SYNE1: variants seen among roughly 807,000 people sequenced by gnomAD.
The protein encoded by SYNE1 is nesprin-1.
SYNE1 carries 616 observed loss-of-function variants against 1,111.0 expected under a neutral mutation model. The ratio of observed to expected loss-of-function variants is 0.55; its 90% CI spans 0.52 to 0.59. The LOEUF (loss-of-function observed/expected upper bound fraction) is 0.59. SYNE1 is among the 20% of genes least tolerant of loss of function. SYNE1 has a pLI of 0.00. For missense variants in SYNE1, 10,006 were observed against 10,417.0 expected (o/e 0.96, Z 1.72); for synonymous variants, 3,855 against 3,825.8 (o/e 1.01, Z -0.28).
intron 63 of SYNE1, among the ~76,000 whole-genome samples, chr6:152,362,606 A>G (rs1563364577): frequency 6.6e-6 from 1 of 152,106 alleles, no homozygotes; most frequent in Non-Finnish European, 1.5e-5. Context: ...ACACTGGGGG[A>G]GCCTCAAAGG....
In SYNE1 at chr6:152,316,989, G is replaced by A. The variant is rs376927135; in HGVS notation, c.16573-3C>T. ...TATTCTTCTAAATGTGATGCTGCCT[G>A]AAAAACCAGTAACATTAATGTAACA... On this transcript the variant is annotated splice_polypyrimidine_tract_variant and splice_region_variant and intron_variant, in intron 86 of 145. Transcript: ENST00000367255. 2.5e-5 allele frequency: 41 copies of A among 1,613,682 alleles called. No homozygotes were observed. The African/African-American group carries it at 4.7e-4, about 18-fold the overall frequency.
At chr6:152,173,662 A>G (rs1054085080) in intron 130 of SYNE1, among the ~76,000 whole-genome samples, 3 of 152,210 alleles carry the variant, frequency 2.0e-5, no homozygotes, top group Non-Finnish European at 4.4e-5. Context: ...TGACTCTAAC[A>G]TGGTGTTAAA....
In SYNE1 at chr6:152,281,848, T is replaced by G; in HGVS notation, c.18340A>C (p.Lys6114Gln). ...TGGGCCTCCATGTCCATGGGCTCCT[T>G]GGGTGGACTCAGCGCAGTGTCCAGA... ...ATLDTALSPP[K>Q]EPMDMEAQLM... Residue 6114 changes from lysine to glutamine, a missense_variant, in exon 97 of 146, where the codon AAG becomes CAG. Transcript: ENST00000367255. 6.2e-7 allele frequency: 1 copy of G among 1,614,162 alleles called. No homozygotes were observed. The highest frequency in any genetic ancestry group is 2.2e-5 in the East Asian group (1 of 44,874).
intron 4 of SYNE1, 114 bp from the exon 5 acceptor site, chr6:152,526,289 T>C: frequency 9.9e-7 from 1 of 1,009,364 alleles, no homozygotes; most frequent in Non-Finnish European, 1.5e-6. Context: ...GAGGCTTCTA[T>C]ATACTTTAAT....
At chr6:152,251,796 A>G (rs979390323) in intron 104 of SYNE1, among the ~76,000 whole-genome samples, 4 of 152,196 alleles carry the variant, frequency 2.6e-5, no homozygotes, top group Admixed American at 1.3e-4. Context: ...AAATGCAAAG[A>G]ATTGAACTAT....
chr6:152,145,340 G>GT, intron 137 of SYNE1: 1 of 762,604 alleles, frequency 1.3e-6, no homozygotes, highest in Non-Finnish European at 2.3e-6. Flanking sequence ...TTAACCAGCT[G>GT]TTTTTTCTAG....
At chr6:152,529,092 G>T (rs1321834769) in intron 4 of SYNE1, among the ~76,000 whole-genome samples, 4 of 152,062 alleles carry the variant, frequency 2.6e-5, no homozygotes, top group African/African-American at 7.2e-5. Flanking sequence ...CCACAGAATA[G>T]CACTCAGCAC....
intron 87 of SYNE1, chr6:152,316,645 G>A: frequency 4.9e-6 from 3 of 610,578 alleles, no homozygotes; most frequent in Non-Finnish European, 5.7e-6. Flanking sequence ...GAAGATCAAG[G>A]ATATTTATTT....
chr6:152,613,716 T>A (rs1172177369), intron 3 of SYNE1, among the ~76,000 whole-genome samples: 1 of 152,148 alleles, frequency 6.6e-6, no homozygotes, highest in Non-Finnish European at 1.5e-5. Context: ...GGAGGCATCA[T>A]GCTACCTGAC....
intron 72 of SYNE1, among the ~76,000 whole-genome samples, chr6:152,349,386 T>C (rs1470861112): frequency 6.6e-6 from 1 of 152,216 alleles, no homozygotes; most frequent in Non-Finnish European, 1.5e-5. Context: ...AGCACAACAA[T>C]TATGAGATGG....
intron 3 of SYNE1, among the ~76,000 whole-genome samples, chr6:152,612,734 T>C (rs2099635033): frequency 6.6e-6 from 1 of 152,142 alleles, no homozygotes; most frequent in South Asian, 2.1e-4. Flanking sequence ...TGAAAATCGA[T>C]GTGAAAATCC....
At position 152,608,427 on chromosome 6, in the gene SYNE1, A is replaced by T. The variant is rs148375007; in HGVS notation, c.67+19838T>A. Among the ~76,000 whole-genome samples, 112 of 152,354 alleles carry T rather than the reference A, an allele frequency of 7.4e-4. 3 individuals carry two copies. In the East Asian group the frequency reaches 0.02, roughly 28 times the overall value. ...TCATAATTTTATATAAATTAAGCAC[A>T]CACAAAATATTAGTTATGCTTTTCA... is the stretch of plus-strand genomic sequence containing the variant. On this transcript the variant is annotated intron_variant, in intron 3 of 145. Transcript: ENST00000367255.
chr6:152,587,298 C>T (rs1387155470), intron 3 of SYNE1, among the ~76,000 whole-genome samples: 3 of 152,144 alleles, frequency 2.0e-5, no homozygotes, highest in African/African-American at 7.2e-5. Context: ...AAACATCCTT[C>T]CTTATCATCT....
At position 152,442,159 on chromosome 6, in the gene SYNE1, G is replaced by A; in HGVS notation, c.3924C>T (p.Asp1308=). ...GCTTCCGCAGCTCCTCGTGGCCTCG[G>A]TCAGGCAGCCCCCCTTCTCCCTGCT... is the stretch of plus-strand genomic sequence containing the variant. The part of the protein sequence containing the change: ...QAQQGEGGLP[D]RGHEELRKLE... Residue 1308 remains aspartate, a synonymous_variant, in exon 31 of 146, where the codon GAC becomes GAT. Transcript: ENST00000367255. The A allele has an allele frequency of 6.2e-7, 1 of 1,613,848 alleles. No individual in the cohort carries two copies. The highest frequency in any genetic ancestry group is 8.5e-7 in the Non-Finnish European group (1 of 1,180,040).
At chr6:152,435,842 CTT>C in intron 33 of SYNE1, 97 bp downstream of exon 33, 1 of 1,433,766 alleles carries the variant, frequency 7.0e-7, no homozygotes, top group Non-Finnish European at 9.7e-7. Context: ...TACACAGACA[CTT>C]TGAGATTTTA....
At chr6:152,549,199 A>G (rs772147342) in intron 3 of SYNE1, among the ~76,000 whole-genome samples, 4 of 152,188 alleles carry the variant, frequency 2.6e-5, no homozygotes, top group Non-Finnish European at 5.9e-5. Context: ...TCACATCCAT[A>G]CATACTTGAT....
At chr6:152,223,224 G>T (rs1218428197) in intron 117 of SYNE1, among the ~76,000 whole-genome samples, 1 of 152,096 alleles carries the variant, frequency 6.6e-6, no homozygotes, top group Non-Finnish European at 1.5e-5. Context: ...ACTATCCTCA[G>T]AAGAAGTTTT....
Position 152,354,824 on chromosome 6 carries a change from G to T in SYNE1, c.10761C>A (p.Ser3587=). The part of the protein sequence containing the change: ...QDWQAYQHRL[S]ETRTQFNNVV... ...CGTTATTGAACTGAGTTCGAGTCTC[G>T]GACAGCCTGTGCTGGTAAGCCTGCC... Residue 3587 remains serine, a synonymous_variant, in exon 67 of 146, where the codon TCC becomes TCA. Coordinates refer to ENST00000367255, the MANE Select transcript of SYNE1 (RefSeq NM_182961.4). 1 of 1,614,054 alleles carries T rather than the reference G, an allele frequency of 6.2e-7. No individual in the cohort carries two copies. Among genetic ancestry groups the T allele is most frequent in the East Asian group, 2.2e-5 (1 of 44,878 alleles).
At chr6:152,535,046 C>T (rs1214839102) in intron 4 of SYNE1, among the ~76,000 whole-genome samples, 2 of 152,138 alleles carry the variant, frequency 1.3e-5, no homozygotes, top group Non-Finnish European at 2.9e-5. Flanking sequence ...CAGAATGCAG[C>T]CTTATTTGGA....
Sources: gnomAD v4.1 joint callset for allele counts (sites outside exome capture counted in the v4.1 genomes callset) on GRCh38, gnomAD v4.1.1 for gene constraint, MANE v1.5 for transcripts, NCBI Gene and HGNC (gene_info 2026-07-23, HGNC 2026-07-21) for gene names.